The following ELOVL6 variants were observed in gnomAD, a reference collection of about 807,000 sequenced individuals.
ELOVL6 encodes ELOVL fatty acid elongase 6, also known as very long chain fatty acid elongase 6.
In ELOVL6, 8 loss-of-function variants were observed where a neutral mutation model predicts 31.7. The ratio of observed to expected loss-of-function variants is 0.25; its 90% confidence interval spans 0.15 to 0.45. ELOVL6 has a LOEUF of 0.45. ELOVL6 is among the 20% of genes least tolerant of loss of function. The probability of loss-of-function intolerance (pLI) is 1.00; values close to 1 mark genes in which losing one functional copy is unlikely to be tolerated. For missense variants in ELOVL6, 126 were observed against 326.4 expected, an observed-to-expected ratio of 0.39 and a Z score of 4.73; for synonymous variants, 101 against 117.7, an observed-to-expected ratio of 0.86 and a Z score of 0.92.
intron 1 of ELOVL6, among the ~76,000 whole-genome samples, chr4:110,136,540 G>C (rs1283335749): frequency 6.6e-6 from 1 of 152,162 alleles, no homozygotes; most frequent in Admixed American, 6.5e-5. Flanking sequence ...CTAACAACTT[G>C]AGATGTAGTG....
At chr4:110,131,140 T>C (rs1170905444) in intron 1 of ELOVL6, among the ~76,000 whole-genome samples, 1 of 152,224 alleles carries the variant, frequency 6.6e-6, no homozygotes, top group Non-Finnish European at 1.5e-5. Flanking sequence ...AAATATCTGT[T>C]GCGTTGATGT....
intron 1 of ELOVL6, among the ~76,000 whole-genome samples, chr4:110,107,504 A>G (rs1477513987): frequency 6.6e-6 from 1 of 152,176 alleles, no homozygotes; most frequent in African/African-American, 2.4e-5. Context: ...ATTATGATAC[A>G]TTTTCTTCCC....
At chr4:110,115,258 G>T (rs776605574) in intron 1 of ELOVL6, among the ~76,000 whole-genome samples, 17 of 152,098 alleles carry the variant, frequency 1.1e-4, no homozygotes, top group Admixed American at 2.0e-4. Flanking sequence ...ATGATCTCAT[G>T]GTTAGTTTAT....
chr4:110,117,748 G>T (rs1322863056), intron 1 of ELOVL6: 2 of 147,452 alleles, frequency 1.4e-5, no homozygotes, highest in African/African-American at 5.0e-5. Context: ...CGGGCGTGGT[G>T]GCGGGCGCCT....
chr4:110,087,244 G>A (rs1447983659), intron 2 of ELOVL6, among the ~76,000 whole-genome samples: 1 of 152,098 alleles, frequency 6.6e-6, no homozygotes, highest in African/African-American at 2.4e-5. Context: ...GTCACCAAGG[G>A]AGCCTGATTG....
chr4:110,111,180 C>T (rs1231316479), intron 1 of ELOVL6, among the ~76,000 whole-genome samples: 2 of 152,088 alleles, frequency 1.3e-5, no homozygotes, highest in Admixed American at 6.5e-5. Flanking sequence ...TTATCTTTTT[C>T]CCCCCTTGTC....
chr4:110,073,673 A>G (rs993932090), intron 2 of ELOVL6, among the ~76,000 whole-genome samples: 2 of 152,124 alleles, frequency 1.3e-5, no homozygotes, highest in Admixed American at 1.3e-4. Flanking sequence ...GTAAGCATTG[A>G]GGAACAAGGA....
Position 110,198,274 on chromosome 4 carries a change from T to G in ELOVL6, c.62A>C (p.Glu21Ala). ...GTTTTCCTGCATCCATTGGATGGCT[T>G]CATTCTCGTTGAACTGCTTTTCGAA... ...YEFEKQFNEN[E>A]AIQWMQENWK... The change falls in exon 1 of 4, where the codon GAA becomes GCA. Residue 21 changes from glutamate to alanine, a missense_variant. Physicochemically the swap from Glu to Ala is moderately radical, Grantham distance 107. Around this residue, in one of 3 missense-constraint regions of ELOVL6, gnomAD observed 16 missense variants for 22.8 expected, o/e 0.70. Coordinates refer to ENST00000302274, the MANE Select transcript of ELOVL6 (RefSeq NM_024090.3). 6.2e-7 allele frequency: 1 copy of G among 1,610,404 alleles called. No homozygotes were observed. Among genetic ancestry groups the G allele is most frequent in the Non-Finnish European group, 8.5e-7 (1 of 1,176,544 alleles).
chr4:110,165,163 C>CA (rs1758739639), intron 1 of ELOVL6, among the ~76,000 whole-genome samples: 1 of 152,182 alleles, frequency 6.6e-6, no homozygotes, highest in South Asian at 2.1e-4. Flanking sequence ...ACTAGCAAAA[C>CA]AGACCATTTG....
chr4:110,182,591 A>G (rs1759318906), intron 1 of ELOVL6, among the ~76,000 whole-genome samples: 3 of 152,188 alleles, frequency 2.0e-5, no homozygotes, highest in Admixed American at 2.0e-4. Flanking sequence ...TACCCAGAAT[A>G]TAATATGAAC....
rs115403686 is a variant in ELOVL6, at chr4:110,072,130, A to G, written c.222-12376T>C. Reference sequence around the variant, plus strand: ...CTAACTCCTAGCAGCTGACCAGCACACTCTCAGAACATTGAGTCTGCCAGC... The same window carrying G: ...CTAACTCCTAGCAGCTGACCAGCACGCTCTCAGAACATTGAGTCTGCCAGC... On this transcript the variant is annotated intron_variant, in intron 2 of 3. Coordinates refer to ENST00000302274, the MANE Select transcript of ELOVL6 (RefSeq NM_024090.3). Among the ~76,000 whole-genome samples the G allele has an allele frequency of 8.8e-3, 1,341 of 152,290 alleles. 17 individuals are homozygous for G. Among genetic ancestry groups the G allele is most frequent in the African/African-American group, 0.031 (1,277 of 41,566 alleles).
chr4:110,192,215 GA>G (rs1366923111), intron 1 of ELOVL6, among the ~76,000 whole-genome samples: 2 of 149,624 alleles, frequency 1.3e-5, no homozygotes, highest in South Asian at 2.1e-4. Flanking sequence ...AAGAAAGAAA[GA>G]AAAAAAAGAA....
At chr4:110,089,123 G>A (rs759025599) in intron 2 of ELOVL6, among the ~76,000 whole-genome samples, 2 of 151,996 alleles carry the variant, frequency 1.3e-5, no homozygotes, top group South Asian at 2.1e-4. Context: ...ATGTTACTCC[G>A]ACAGCTATTT....
chr4:110,115,523 G>A (rs938554967), intron 1 of ELOVL6, among the ~76,000 whole-genome samples: 12 of 152,012 alleles, frequency 7.9e-5, no homozygotes, highest in Non-Finnish European at 1.8e-4. Flanking sequence ...GTGGGAAGAC[G>A]GCTTAAGGCC....
intron 2 of ELOVL6, among the ~76,000 whole-genome samples, chr4:110,068,294 C>T (rs1454780523): frequency 1.3e-5 from 2 of 152,182 alleles, no homozygotes; most frequent in Non-Finnish European, 2.9e-5. Context: ...TAATCTTGAA[C>T]TCCTAGACTG....
At chr4:110,156,431 C>A (rs894558907) in intron 1 of ELOVL6, among the ~76,000 whole-genome samples, 2 of 152,080 alleles carry the variant, frequency 1.3e-5, no homozygotes, top group South Asian at 4.2e-4. Flanking sequence ...GTGGCTCATG[C>A]CTATAATCCC....
chr4:110,084,020 C>CATAT (rs1332400001), intron 2 of ELOVL6, among the ~76,000 whole-genome samples: 184 of 4,034 alleles, frequency 0.046, 24 homozygotes, highest in East Asian at 0.092. Flanking sequence ...TGGTATATAA[C>CATAT]ATATGCCATA....
chr4:110,184,423 A>G (rs1361836583), intron 1 of ELOVL6, among the ~76,000 whole-genome samples: 2 of 152,204 alleles, frequency 1.3e-5, no homozygotes, highest in Non-Finnish European at 2.9e-5. Context: ...TGGAGAGAAG[A>G]AGGCTTTGGA....
intron 1 of ELOVL6, among the ~76,000 whole-genome samples, chr4:110,185,867 G>C (rs1236402569): frequency 3.9e-5 from 6 of 152,156 alleles, no homozygotes; most frequent in Admixed American, 3.9e-4. Context: ...AAGTCCTGAG[G>C]TCTTGGATAA....
Sources: gnomAD v4.1 joint callset for allele counts (sites outside exome capture counted in the v4.1 genomes callset) on GRCh38, gnomAD v4.1.1 for gene constraint, gnomAD v4.1.1 regional missense constraint, MANE v1.5 for transcripts, NCBI Gene and HGNC (gene_info 2026-07-23, HGNC 2026-07-21) for gene names.